Variants in ARMCX4 observed in about 807,000 individuals in gnomAD.
ARMCX4 encodes armadillo repeat containing X-linked 4.
ARMCX4 carries 3 observed loss-of-function variants against 34.7 expected under a neutral mutation model. That is an observed-to-expected ratio of 0.09 (90% CI 0.04 to 0.22). The LOEUF is 0.22. ARMCX4 is among the 10% of genes least tolerant of loss of function. The pLI, the probability that ARMCX4 is intolerant of heterozygous loss-of-function variation, is 1.00. For missense variants in ARMCX4, 1,448 were observed against 1,720.8 expected (o/e 0.84, Z 2.81); for synonymous variants, 513 against 632.8 (o/e 0.81, Z 2.84).
At chrX:101,473,737 A>T (rs1933026716) in intron 4 of ARMCX4, among the ~76,000 whole-genome samples, 1 of 97,122 alleles carries the variant, frequency 1.0e-5, no homozygotes, top group Non-Finnish European at 2.1e-5. Context: ...GAAGGCAGAA[A>T]TAAAGATGTT....
chrX:101,491,018 G>T lies in ARMCX4; in HGVS notation c.2429G>T (p.Gly810Val). The T allele has an allele frequency of 9.5e-6, 11 of 1,152,924 alleles. No individual in the cohort carries two copies. Among genetic ancestry groups the T allele is most frequent in the African/African-American group, 5.4e-5 (3 of 55,255 alleles). The change falls in exon 6 of 6, where the codon GGA (glycine) becomes GTA (valine). Residue 810 changes from glycine (G) to valine (V), a missense_variant. Physicochemically the swap from Gly to Val is moderately radical, Grantham distance 109. Transcript: ENST00000423738. Reference protein sequence around the residue: ...TLPGAKNKVRGNWNAVSKAGA... With the variant: ...TLPGAKNKVRVNWNAVSKAGA... ...CCTGGTGCCAAGAATAAGGTCAGGG[G>T]AAATTGGAATGCTGTGTCTAAGGCA...
chrX:101,474,690 C>A (rs781900815), intron 4 of ARMCX4, among the ~76,000 whole-genome samples: 1 of 102,068 alleles, frequency 9.8e-6, no homozygotes, highest in Non-Finnish European at 2.0e-5. Flanking sequence ...AGCATATAAA[C>A]AGAGCCAAAA....
At chrX:101,533,123 C>T (rs1375728712) in exon 13 of ARMCX4, 1 of 108,709 alleles carries the variant, frequency 9.2e-6, no homozygotes, top group Non-Finnish European at 1.9e-5. Context: ...TTGACTTCTG[C>T]TTGGGTTTGG....
chrX:101,481,083 C>T (rs1027795079), upstream of ARMCX4, among the ~76,000 whole-genome samples: 2 of 111,911 alleles, frequency 1.8e-5, no homozygotes, highest in African/African-American at 6.5e-5. Context: ...GTGATTACAT[C>T]ACTGCACTCC....
chrX:101,515,343 T>TTTCTTTCTTTCTTTCTTTC (rs1556017372), intron 11 of ARMCX4, among the ~76,000 whole-genome samples: 9 of 17,003 alleles, frequency 5.3e-4, no homozygotes, highest in African/African-American at 2.3e-3. Flanking sequence ...TTTCCTTTCC[T>TTTCTTTCTTTCTTTCTTTC]TTTCTTTCTT....
At chrX:101,456,157 T>C (rs1343556188) in intron 4 of ARMCX4, among the ~76,000 whole-genome samples, 1 of 111,658 alleles carries the variant, frequency 9.0e-6, no homozygotes, top group Non-Finnish European at 1.9e-5. Context: ...GGTAGAACAA[T>C]TTATTTTCCT....
chrX:101,493,337 G>A lies in ARMCX4; in HGVS notation c.4748G>A (p.Gly1583Glu), dbSNP rs149021828. The change falls in exon 6 of 6, where the codon GGG (glycine) becomes GAG (glutamate). Residue 1583 changes from glycine (G) to glutamate (E), a missense_variant. Transcript: ENST00000423738. ...KPGFEDQAIG[G>E]GFWPGAGDQT... Reference sequence around the variant, plus strand: ...GGATTTGAGGATCAGGCCATTGGAGGGGGGTTCTGGCCTGGTGCTGGGGAC... The same window carrying A: ...GGATTTGAGGATCAGGCCATTGGAGAGGGGTTCTGGCCTGGTGCTGGGGAC... 8.7e-7 allele frequency: 1 copy of A among 1,153,898 alleles called. No homozygotes were observed. Among genetic ancestry groups the A allele is most frequent in the East Asian group, 3.3e-5 (1 of 30,676 alleles).
At chrX:101,518,796 C>T (rs1376075836) in intron 11 of ARMCX4, among the ~76,000 whole-genome samples, 2 of 110,817 alleles carry the variant, frequency 1.8e-5, no homozygotes, top group Non-Finnish European at 3.8e-5. Context: ...AAGTTAAATT[C>T]GAAGCTTAGC....
At chrX:101,424,635 T>C (rs1929492046) in intron 2 of ARMCX4, among the ~76,000 whole-genome samples, 1 of 111,882 alleles carries the variant, frequency 8.9e-6, no homozygotes, top group Non-Finnish European at 1.9e-5. Flanking sequence ...CTCCCATACA[T>C]CTGGGGCTAC....
downstream of ARMCX4, among the ~76,000 whole-genome samples, chrX:101,500,704 A>G (rs782076520): frequency 8.9e-6 from 1 of 111,999 alleles, no homozygotes; most frequent in Non-Finnish European, 1.9e-5. Flanking sequence ...TTTTTTCCCT[A>G]TCTGTATCAT....
At chrX:101,432,961 T>TAC (rs1930266034) in intron 2 of ARMCX4, among the ~76,000 whole-genome samples, 2 of 77,085 alleles carry the variant, frequency 2.6e-5, no homozygotes, top group Admixed American at 1.4e-4. Flanking sequence ...CATGTATACA[T>TAC]ATGTGTATAT....
intron 2 of ARMCX4, among the ~76,000 whole-genome samples, chrX:101,431,862 G>T (rs1193840922): frequency 8.9e-6 from 1 of 112,182 alleles, no homozygotes; most frequent in Admixed American, 9.5e-5. Flanking sequence ...TTTCTTAAAG[G>T]CATATATAGT....
intron 2 of ARMCX4, among the ~76,000 whole-genome samples, chrX:101,486,474 G>A (rs782463330): frequency 6.3e-5 from 7 of 110,435 alleles, no homozygotes; most frequent in South Asian, 7.7e-4. Context: ...TGAAAGGGAC[G>A]TGGACAGCAG....
At chrX:101,523,810 GT>G (rs1421302397) in intron 11 of ARMCX4, among the ~76,000 whole-genome samples, 1 of 112,015 alleles carries the variant, frequency 8.9e-6, no homozygotes, top group South Asian at 3.7e-4. Flanking sequence ...TAATAACTCT[GT>G]TTTTTTCTCC....
intron 11 of ARMCX4, among the ~76,000 whole-genome samples, chrX:101,526,358 G>A (rs1166254157): frequency 7.2e-5 from 8 of 111,720 alleles, no homozygotes; most frequent in Non-Finnish European, 1.5e-4. Context: ...AGGAACAACC[G>A]GTACCAGCCA....
At chrX:101,460,406 T>TA (rs1932554258) in intron 4 of ARMCX4, among the ~76,000 whole-genome samples, 1 of 112,412 alleles carries the variant, frequency 8.9e-6, no homozygotes, top group Admixed American at 9.4e-5. Flanking sequence ...CCCTTGATCT[T>TA]AGCTATTCAA....
intron 4 of ARMCX4, among the ~76,000 whole-genome samples, chrX:101,476,640 T>A (rs1009299322): frequency 3.6e-5 from 4 of 111,275 alleles, no homozygotes; most frequent in Admixed American, 1.9e-4. Context: ...AAATCATGAC[T>A]TCAAATTATG....
downstream of ARMCX4, among the ~76,000 whole-genome samples, chrX:101,534,764 G>A (rs782676377): frequency 6.3e-5 from 7 of 110,684 alleles, no homozygotes; most frequent in South Asian, 1.9e-3. Context: ...TAAATGTATC[G>A]GCACTGAACA....
chrX:101,443,938 A>G (rs1931471653), intron 2 of ARMCX4: 2 of 380,523 alleles, frequency 5.3e-6, no homozygotes, highest in Non-Finnish European at 1.0e-5. Flanking sequence ...ATTTCTCCCC[A>G]TAGTTGGAAT....
Sources: allele counts gnomAD v4.1 joint callset (sites outside exome capture counted in the v4.1 genomes callset), GRCh38; gene constraint gnomAD v4.1.1; transcripts MANE v1.5; gene names NCBI Gene and HGNC (gene_info 2026-07-23, HGNC 2026-07-21).